Variants in AMMECR1 observed in about 807,000 individuals in gnomAD.
AMMECR1 encodes AMMECR nuclear protein 1.
In AMMECR1, 3 loss-of-function variants were observed where a neutral mutation model predicts 22.5. The observed-to-expected ratio is 0.13, with a 90% CI of 0.06 to 0.35. The LOEUF (loss-of-function observed/expected upper bound fraction) is 0.35. Ranked by LOEUF, AMMECR1 falls within the 10% of genes least tolerant of loss-of-function variation. The pLI, the probability that AMMECR1 is intolerant of heterozygous loss-of-function variation, is 1.00. For synonymous variants in AMMECR1, 130 were observed against 116.7 expected (o/e 1.11, Z -0.74); for missense variants, 235 against 278.7 (o/e 0.84, Z 1.12).
intron 2 of AMMECR1, among the ~76,000 whole-genome samples, chrX:110,230,616 C>T (rs753591095): frequency 4.5e-5 from 5 of 111,856 alleles, no homozygotes; most frequent in African/African-American, 1.6e-4. Flanking sequence ...ATGAGAGCAC[C>T]TCTTCTCCTC....
chrX:110,288,917 G>GA (rs2067894278), intron 1 of AMMECR1, among the ~76,000 whole-genome samples: 1 of 111,675 alleles, frequency 9.0e-6, no homozygotes, highest in Non-Finnish European at 1.9e-5. Context: ...TGAATAAACA[G>GA]ATGCTTTAAT....
intron 1 of AMMECR1, among the ~76,000 whole-genome samples, chrX:110,315,638 AGTTAAC>A (rs2068044461): frequency 8.9e-6 from 1 of 112,513 alleles, no homozygotes; most frequent in Non-Finnish European, 1.9e-5. Flanking sequence ...ATAGTCATTG[AGTTAAC>A]CCAAACTCAC....
intron 2 of AMMECR1, among the ~76,000 whole-genome samples, chrX:110,253,551 T>G (rs944372631): frequency 1.1e-4 from 12 of 113,088 alleles, no homozygotes; most frequent in Non-Finnish European, 1.7e-4. Context: ...TAAAAAAATA[T>G]GTGCTTTTAA....
intron 1 of AMMECR1, among the ~76,000 whole-genome samples, chrX:110,434,110 A>G: frequency 8.9e-6 from 1 of 111,916 alleles, no homozygotes; most frequent in Middle Eastern, 4.6e-3. Context: ...CAGTGGAGGC[A>G]GGGGAAGACA....
chrX:110,360,577 A>G (rs2068256773), intron 2 of AMMECR1, among the ~76,000 whole-genome samples: 1 of 111,823 alleles, frequency 8.9e-6, no homozygotes, highest in Non-Finnish European at 1.9e-5. Flanking sequence ...TGGAGAGTAG[A>G]AGAAAGGGAG....
chrX:110,385,810 C>G (rs919294321), intron 2 of AMMECR1, among the ~76,000 whole-genome samples: 7 of 111,191 alleles, frequency 6.3e-5, no homozygotes, highest in Non-Finnish European at 1.3e-4. Context: ...CGGGCCTTGT[C>G]CACCTCCCTT....
chrX:110,319,123 CAATT>C (rs1463479105), upstream of AMMECR1, among the ~76,000 whole-genome samples: 2 of 112,347 alleles, frequency 1.8e-5, no homozygotes, highest in East Asian at 2.8e-4. Flanking sequence ...TAAAATTTCT[CAATT>C]AAATGCTTGG....
chrX:110,323,468 C>G (rs1176343325), intron 2 of AMMECR1, among the ~76,000 whole-genome samples: 1 of 111,879 alleles, frequency 8.9e-6, no homozygotes, highest in Non-Finnish European at 1.9e-5. Context: ...ATGGATTTAC[C>G]TATTCTGAGC....
intron 2 of AMMECR1, among the ~76,000 whole-genome samples, chrX:110,383,768 G>C (rs2068436120): frequency 9.0e-6 from 1 of 111,253 alleles, no homozygotes; most frequent in Non-Finnish European, 1.9e-5. Context: ...TTAATTAATC[G>C]TCCTTTGAGC....
intron 2 of AMMECR1, among the ~76,000 whole-genome samples, chrX:110,261,126 TACA>T (rs1040214325): frequency 9.0e-6 from 1 of 110,873 alleles, no homozygotes; most frequent in Non-Finnish European, 1.9e-5. Context: ...GTGATGACTG[TACA>T]ACAACATGAT....
chrX:110,255,029 G>A lies in AMMECR1; in HGVS notation c.584+9460C>T, dbSNP rs140350961. ...TTGTCACTGCTGGCCTGGACTTAAA[G>A]CAACATTCCAGATTCCAGAACCAGT... On this transcript the variant is annotated intron_variant, in intron 2 of 5. Coordinates refer to ENST00000262844, the MANE Select transcript of AMMECR1 (RefSeq NM_015365.3). 7.5e-3 allele frequency among the ~76,000 whole-genome samples: 845 copies of A among 112,224 alleles called. 6 individuals are homozygous for A. The highest frequency in any genetic ancestry group is 0.025 in the African/African-American group (785 of 30,932).
intron 2 of AMMECR1, among the ~76,000 whole-genome samples, chrX:110,377,172 G>T (rs958185497): frequency 4.5e-5 from 5 of 111,963 alleles, no homozygotes; most frequent in East Asian, 2.8e-4. Context: ...TTGGAATCCT[G>T]CTAGTTGAGT....
At chrX:110,286,284 A>G (rs2067879175) in intron 1 of AMMECR1, among the ~76,000 whole-genome samples, 2 of 111,613 alleles carry the variant, frequency 1.8e-5, no homozygotes, top group African/African-American at 6.5e-5. Flanking sequence ...GCATGACTAA[A>G]GAACTGCATA....
chrX:110,402,584 T>C (rs1411321847), intron 2 of AMMECR1, among the ~76,000 whole-genome samples: 1 of 112,605 alleles, frequency 8.9e-6, no homozygotes, highest in East Asian at 2.8e-4. Context: ...GCCCTGTGTG[T>C]TGCAACAGAT....
intron 2 of AMMECR1, among the ~76,000 whole-genome samples, chrX:110,371,661 C>T (rs183551836): frequency 4.1e-4 from 46 of 111,211 alleles, no homozygotes; most frequent in African/African-American, 1.4e-3. Context: ...TTAAAGTCTG[C>T]GTATTTATTC....
chrX:110,426,397 T>G (rs1418493253), intron 2 of AMMECR1, among the ~76,000 whole-genome samples: 1 of 111,903 alleles, frequency 8.9e-6, no homozygotes, highest in Non-Finnish European at 1.9e-5. Context: ...GCTGGTAGTC[T>G]GCTTGCCCAC....
chrX:110,344,264 A>G (rs756970961), intron 2 of AMMECR1, among the ~76,000 whole-genome samples: 7 of 112,326 alleles, frequency 6.2e-5, no homozygotes, highest in South Asian at 7.3e-4. Flanking sequence ...TATTTAACAA[A>G]TGGTGCTGGG....
Position 110,317,943 on chromosome X carries a change from C to T in AMMECR1, c.129G>A (p.Glu43=). The change falls in exon 1 of 6, where the codon GAG becomes GAA. Residue 43 remains glutamate, a synonymous_variant. Transcript: ENST00000262844. The part of the protein sequence containing the change: ...CSGESQCRAG[E]LGLGGAGTRL... Reference sequence around the variant, plus strand: ...GCGTACCGGCGCCTCCTAGTCCCAGCTCCCCAGCTCGGCACTGGCTCTCTC... The same window carrying T: ...GCGTACCGGCGCCTCCTAGTCCCAGTTCCCCAGCTCGGCACTGGCTCTCTC... 8.3e-7 allele frequency: 1 copy of T among 1,198,536 alleles called. No homozygotes were observed. The highest frequency in any genetic ancestry group is 3.0e-5 in the East Asian group (1 of 33,198).
At chrX:110,331,497 T>C (rs1349542794) in intron 2 of AMMECR1, among the ~76,000 whole-genome samples, 1 of 110,596 alleles carries the variant, frequency 9.0e-6, no homozygotes, top group Non-Finnish European at 1.9e-5. Context: ...CATCTTTAAC[T>C]CTTACTTATC....
Sources: gnomAD v4.1 joint callset for allele counts (sites outside exome capture counted in the v4.1 genomes callset) on GRCh38, gnomAD v4.1.1 for gene constraint, MANE v1.5 for transcripts, NCBI Gene and HGNC (gene_info 2026-07-23, HGNC 2026-07-21) for gene names.